Variants in TRIM69 observed in about 807,000 individuals in gnomAD.
The protein encoded by TRIM69 is tripartite motif containing 69.
In TRIM69, 29 loss-of-function variants were observed where a neutral mutation model predicts 37.7. The ratio of observed to expected loss-of-function variants is 0.77; its 90% CI spans 0.57 to 1.05. TRIM69 has a LOEUF of 1.05. Among genes scored for constraint, TRIM69 ranks in the 50% least tolerant of loss-of-function variants. The pLI, the probability that TRIM69 is intolerant of heterozygous loss-of-function variation, is 0.00. For synonymous variants in TRIM69, 209 were observed against 212.4 expected (o/e 0.98, Z 0.14); for missense variants, 596 against 579.9 (o/e 1.03, Z -0.28).
At chr15:44,738,082 A>G (rs1407801643) in intron 1 of TRIM69, among the ~76,000 whole-genome samples, 1 of 139,322 alleles carries the variant, frequency 7.2e-6, no homozygotes, top group African/African-American at 2.8e-5. Context: ...TTTTTAGGAC[A>G]GAGTCTCACT....
chr15:44,762,629 G>A (rs1349971394), intron 6 of TRIM69, among the ~76,000 whole-genome samples: 1 of 151,730 alleles, frequency 6.6e-6, no homozygotes, highest in Non-Finnish European at 1.5e-5. Context: ...CTTCTGCATG[G>A]TCTAACCTTC....
chr15:44,738,194 G>C (rs942171284), intron 1 of TRIM69, among the ~76,000 whole-genome samples: 1 of 151,014 alleles, frequency 6.6e-6, no homozygotes, highest in African/African-American at 2.4e-5. Context: ...AAATAGCTGG[G>C]ACTGCAGGGA....
At chr15:44,738,052 TTC>T (rs1215936396) in intron 1 of TRIM69, among the ~76,000 whole-genome samples, 77 of 6,900 alleles carry the variant, frequency 0.011, no homozygotes, top group Non-Finnish European at 0.014. Context: ...CTTTCTTTCT[TTC>T]TTTTTTTTTT....
At chr15:44,764,625 T>C (rs1161272632) in intron 6 of TRIM69, among the ~76,000 whole-genome samples, 2 of 152,354 alleles carry the variant, frequency 1.3e-5, no homozygotes, top group Middle Eastern at 3.4e-3. Flanking sequence ...TATAAATGAA[T>C]GGTCATAAAT....
chr15:44,760,974 G>C (rs915978467), intron 6 of TRIM69, among the ~76,000 whole-genome samples: 1 of 151,414 alleles, frequency 6.6e-6, no homozygotes, highest in African/African-American at 2.4e-5. Context: ...CTGGAGTGCA[G>C]TGGTGCCATC....
chr15:44,741,264 C>A (rs891393228), intron 1 of TRIM69, among the ~76,000 whole-genome samples: 2 of 152,164 alleles, frequency 1.3e-5, no homozygotes, highest in Non-Finnish European at 2.9e-5. Context: ...TTCTTTGAAA[C>A]CAATGAGAAC....
intron 6 of TRIM69, among the ~76,000 whole-genome samples, chr15:44,760,631 T>A (rs1351794354): frequency 6.6e-6 from 1 of 152,104 alleles, no homozygotes; most frequent in African/African-American, 2.4e-5. Flanking sequence ...TATACTGAGA[T>A]ATAGTTAACA....
chr15:44,766,481 T>G (rs2141152913), intron 6 of TRIM69, among the ~76,000 whole-genome samples: 1 of 152,338 alleles, frequency 6.6e-6, no homozygotes, highest in South Asian at 2.1e-4. Flanking sequence ...CACAGGGGAC[T>G]GTTTTTAATC....
intron 1 of TRIM69, among the ~76,000 whole-genome samples, chr15:44,749,910 T>C (rs1017390275): frequency 1.3e-5 from 2 of 152,226 alleles, no homozygotes; most frequent in African/African-American, 4.8e-5. Context: ...ATTAAAAAAT[T>C]ACGGCAATAC....
chr15:44,754,724 C>T (rs746417585), intron 1 of TRIM69, 176 bp from the exon 2 acceptor site: 40 of 622,956 alleles, frequency 6.4e-5, no homozygotes, highest in Non-Finnish European at 9.7e-5. Context: ...TAAATAGCAT[C>T]ATACGCTATA....
intron 1 of TRIM69, among the ~76,000 whole-genome samples, chr15:44,743,205 C>A (rs1280247525): frequency 6.6e-6 from 1 of 152,096 alleles, no homozygotes; most frequent in Non-Finnish European, 1.5e-5. Context: ...GAAAAACAAG[C>A]AATGGGGAAA....
chr15:44,755,429 T>C lies in TRIM69; in HGVS notation c.483+53T>C, dbSNP rs2087625993. On this transcript the variant is annotated intron_variant, in intron 2 of 6. Transcript: ENST00000329464. ...CCCTTAGAAAAACTAGGAAAAATAT[T>C]TCATAGGGCTTCTTCTTTCTTCCAA... 3 of 1,283,608 alleles carry C rather than the reference T, an allele frequency of 2.3e-6. No individual in the cohort carries two copies. The Admixed American group carries it at 5.7e-5, about 24-fold the overall frequency. The allele number at this position is 1,283,608 out of a possible 1,614,324, so 79.5% of individuals were successfully genotyped here.
At chr15:44,764,529 T>TA (rs36052489) in intron 6 of TRIM69, among the ~76,000 whole-genome samples, 3,856 of 152,262 alleles carry the variant, frequency 0.025, 154 homozygotes, top group African/African-American at 0.088. Context: ...GTTTGAAGAG[T>TA]AAATATTTTA....
At chr15:44,767,086 C>CAAAAAAAAAAAAAAAAAAAAAAA (rs1268697561) in intron 6 of TRIM69, 145 bp from the exon 7 acceptor site, 2 of 72,260 alleles carry the variant, frequency 2.8e-5, no homozygotes, top group Non-Finnish European at 2.8e-5. Context: ...AAAAAAAAAG[C>CAAAAAAAAAAAAAAAAAAAAAAA]ATATAAGTAA....
intron 6 of TRIM69, among the ~76,000 whole-genome samples, chr15:44,761,704 A>T (rs866542970): frequency 1.3e-5 from 2 of 152,170 alleles, no homozygotes; most frequent in Non-Finnish European, 2.9e-5. Context: ...GCCTTAAGTG[A>T]TCCATCCACC....
chr15:44,738,579 G>T (rs1022485013), intron 1 of TRIM69, among the ~76,000 whole-genome samples: 5 of 152,174 alleles, frequency 3.3e-5, no homozygotes, highest in African/African-American at 1.2e-4. Flanking sequence ...TCCCTCTAGA[G>T]CAGTAGGAAG....
chr15:44,760,014 T>C, intron 6 of TRIM69, 142 bp downstream of exon 6: 1 of 855,540 alleles, frequency 1.2e-6, no homozygotes, highest in Non-Finnish European at 1.8e-6. Flanking sequence ...CTAGTTGGTA[T>C]GACTGAATTT....
intron 1 of TRIM69, among the ~76,000 whole-genome samples, chr15:44,748,581 T>C (rs375329142): frequency 5.3e-5 from 8 of 151,974 alleles, no homozygotes; most frequent in African/African-American, 1.9e-4. Context: ...TCTCAGCACT[T>C]TGGGAGGCCA....
Position 44,746,794 on chromosome 15 carries a change from A to G in TRIM69, c.7-8106A>G, listed in dbSNP as rs188046169. On this transcript the variant is annotated intron_variant, in intron 1 of 6. Transcript: ENST00000329464. ...CACACACACATCTTTCTTTAAATATATAGAAACGTTAAAGTGTCAATAACA... is the reference window on the plus strand; with the variant it reads ...CACACACACATCTTTCTTTAAATATGTAGAAACGTTAAAGTGTCAATAACA... Among the ~76,000 whole-genome samples, 289 of 152,336 alleles carry G rather than the reference A, an allele frequency of 1.9e-3. 2 individuals carry two copies. Among genetic ancestry groups the G allele is most frequent in the Non-Finnish European group, 3.4e-3 (230 of 68,036 alleles).
Sources: allele counts gnomAD v4.1 joint callset (sites outside exome capture counted in the v4.1 genomes callset), GRCh38; gene constraint gnomAD v4.1.1; transcripts MANE v1.5; gene names NCBI Gene and HGNC (gene_info 2026-07-23, HGNC 2026-07-21).